The following MCL1 variants were observed in gnomAD, a reference collection of about 807,000 sequenced individuals.
MCL1 encodes the protein induced myeloid leukemia cell differentiation protein Mcl-1.
In MCL1, 4 loss-of-function variants were observed where a neutral mutation model predicts 24.2. That is an observed-to-expected ratio of 0.17 (90% confidence interval 0.08 to 0.38). MCL1 has a LOEUF of 0.38. Among genes scored for constraint, MCL1 ranks in the 10% least tolerant of loss-of-function variants. The pLI is 1.00. For missense variants in MCL1, 529 were observed against 480.3 expected, an observed-to-expected ratio of 1.10 and a Z score of -0.95; for synonymous variants, 248 against 214.0, an observed-to-expected ratio of 1.16 and a Z score of -1.39.
rs931348256 is a variant in MCL1 at position 150,579,579 on chromosome 1, C to T, written c.-49G>A. The T allele has an allele frequency of 1.0e-5, 16 of 1,546,320 alleles. No homozygotes were observed. Among genetic ancestry groups the T allele is most frequent in the Non-Finnish European group, 1.4e-5 (16 of 1,142,696 alleles). On this transcript the variant is annotated 5_prime_UTR_variant, in exon 1 of 3. Coordinates refer to ENST00000369026, the MANE Select transcript of MCL1 (RefSeq NM_021960.5). ...CTGAGAAAACTGGGGAAGACCCCGA[C>T]TCCTTACTGGAAGGAAGCGGAAGTG...
rs1241054516 is a variant in MCL1, at chr1:150,576,303, T to C, written c.*1072A>G. 1 of 232,994 alleles carries C rather than the reference T, an allele frequency of 4.3e-6. No individual in the cohort carries two copies. The highest frequency in any genetic ancestry group is 2.2e-5 in the African/African-American group (1 of 45,324). 14.4% of individuals were successfully genotyped at this position (232,994 alleles called of 1,614,324 possible). Reference sequence around the variant, plus strand: ...ATCAGAGCCCATTATTTGTAAGTCATCAGTAACCTTAAAACTCCACTTAGA... The same window carrying C: ...ATCAGAGCCCATTATTTGTAAGTCACCAGTAACCTTAAAACTCCACTTAGA... On this transcript the variant is annotated 3_prime_UTR_variant, in exon 3 of 3. Coordinates refer to ENST00000369026, the MANE Select transcript of MCL1 (RefSeq NM_021960.5).
In MCL1 at chr1:150,578,235, C is replaced by G; in HGVS notation, c.936+9G>C. On this transcript the variant is annotated intron_variant, in intron 2 of 2. Transcript: ENST00000369026. ...TCCAAGGCCCCTTTCATCCTTAAGG[C>G]AAACTTACCCAGCCTCTTTGTTTAA... The G allele has an allele frequency of 6.2e-7, 1 of 1,610,558 alleles. No homozygotes were observed.
Position 150,579,282 on chromosome 1 carries a change from G to A in MCL1, c.249C>T (p.Gly83=), listed in dbSNP as rs759563206. 2.0e-6 allele frequency: 3 copies of A among 1,479,912 alleles called. No homozygotes were observed. Among genetic ancestry groups the A allele is most frequent in the Non-Finnish European group, 2.7e-6 (3 of 1,121,160 alleles). The allele number at this position is 1,479,912 out of a possible 1,614,324, so 91.7% of individuals were successfully genotyped here. A position where few individuals can be genotyped will look rare whatever the true frequency, so the allele number is the denominator to read the frequency against. Residue 83 remains glycine (G), a synonymous_variant, in exon 1 of 3, where the codon GGC becomes GGT. Coordinates refer to ENST00000369026, the MANE Select transcript of MCL1 (RefSeq NM_021960.5). ...TCGCGGTGACGTCGGGGACCTCGGC[G>A]CCAATGGGCGGCGGCCGCGCGACCC... The part of the protein sequence containing the change: ...SRRVARPPPI[G]AEVPDVTATP...
chr1:150,579,573 C>T lies in MCL1; in HGVS notation c.-43G>A, dbSNP rs756639387. 5.1e-6 allele frequency: 8 copies of T among 1,557,776 alleles called. No homozygotes were observed. In the African/African-American group the frequency reaches 9.8e-5, roughly 19 times the overall value. ...GCCTGGCTGAGAAAACTGGGGAAGA[C>T]CCCGACTCCTTACTGGAAGGAAGCG... On this transcript the variant is annotated 5_prime_UTR_variant, in exon 1 of 3. Coordinates refer to ENST00000369026, the MANE Select transcript of MCL1 (RefSeq NM_021960.5).
chr1:150,577,628 C>G, intron 2 of MCL1, 137 bp from the exon 3 acceptor site: 2 of 928,252 alleles, frequency 2.2e-6, no homozygotes, highest in South Asian at 2.1e-5. Context: ...TTATTCACCC[C>G]GGGGCAAAAA....
chr1:150,579,156 C>T lies in MCL1; in HGVS notation c.375G>A (p.Glu125=), dbSNP rs2101699163. 6.2e-7 allele frequency: 1 copy of T among 1,611,136 alleles called. No individual in the cohort carries two copies. Among genetic ancestry groups the T allele is most frequent in the Non-Finnish European group, 8.5e-7 (1 of 1,179,828 alleles). The change falls in exon 1 of 3, where the codon GAG becomes GAA. Residue 125 remains glutamate, a synonymous_variant. Coordinates refer to ENST00000369026, the MANE Select transcript of MCL1 (RefSeq NM_021960.5). ...GAGGCTCCGGCTCGTACCCGTCCAG[C>T]TCCTCTTCGGGCGACATGATGGCGT... is the stretch of plus-strand genomic sequence containing the variant. The part of the protein sequence containing the change: ...AADAIMSPEE[E]LDGYEPEPLG...
rs749275603 is a variant in MCL1, at chr1:150,575,840, G to T, written c.*1535C>A. 8.6e-6 allele frequency: 2 copies of T among 233,258 alleles called. No individual in the cohort carries two copies. Among genetic ancestry groups the T allele is most frequent in the Non-Finnish European group, 1.7e-5 (2 of 118,026 alleles). The allele number at this position is 233,258 out of a possible 1,614,324, so 14.4% of individuals were successfully genotyped here. A position where few individuals can be genotyped will look rare whatever the true frequency, so the allele number is the denominator to read the frequency against. ...GATATAAATATCTGTAGAGGGAGCA[G>T]AACAATCAGCAATTTCAAGGAAGGA... On this transcript the variant is annotated 3_prime_UTR_variant, in exon 3 of 3. Coordinates refer to ENST00000369026, the MANE Select transcript of MCL1 (RefSeq NM_021960.5).
chr1:150,575,224 G>C lies in MCL1; in HGVS notation c.*2151C>G. 4.3e-6 allele frequency: 1 copy of C among 233,248 alleles called. No individual in the cohort carries two copies. Among genetic ancestry groups the C allele is most frequent in the Non-Finnish European group, 8.5e-6 (1 of 117,800 alleles). 14.4% of individuals were successfully genotyped at this position (233,248 alleles called of 1,614,324 possible). A position where few individuals can be genotyped will look rare whatever the true frequency, so the allele number is the denominator to read the frequency against. ...AACGATAAATACATAGGTAAAAATA[G>C]CTCTAGCAAAGATGACCTTATGGCT... On this transcript the variant is annotated 3_prime_UTR_variant, in exon 3 of 3. Coordinates refer to ENST00000369026, the MANE Select transcript of MCL1 (RefSeq NM_021960.5).
chr1:150,579,045 C>T lies in MCL1; in HGVS notation c.486G>A (p.Ser162=), dbSNP rs776618436. 1 of 1,613,366 alleles carries T rather than the reference C, an allele frequency of 6.2e-7. No individual in the cohort carries two copies. The highest frequency in any genetic ancestry group is 8.5e-7 in the Non-Finnish European group (1 of 1,180,032). The change falls in exon 1 of 3, where the codon TCG becomes TCA. Residue 162 remains serine, a synonymous_variant. Coordinates refer to ENST00000369026, the MANE Select transcript of MCL1 (RefSeq NM_021960.5). The part of the protein sequence containing the change: ...NNTSTDGSLP[S]TPPPAEEEED... Reference sequence around the variant, plus strand: ...CCTCCTCCTCTGCTGGCGGCGGCGTCGAGGGTAGTGACCCGTCCGTACTGG... The same window carrying T: ...CCTCCTCCTCTGCTGGCGGCGGCGTTGAGGGTAGTGACCCGTCCGTACTGG...
At position 150,574,747 on chromosome 1, in the gene MCL1, C is replaced by T. The variant is rs587763507; in HGVS notation, c.*2628G>A. 43 of 233,112 alleles carry T rather than the reference C, an allele frequency of 1.8e-4. No individual in the cohort carries two copies. The highest frequency in any genetic ancestry group is 7.2e-4 in the South Asian group (4 of 5,530). The allele number at this position is 233,112 out of a possible 1,614,324, so 14.4% of individuals were successfully genotyped here. A position where few individuals can be genotyped will look rare whatever the true frequency, so the allele number is the denominator to read the frequency against. On this transcript the variant is annotated 3_prime_UTR_variant, in exon 3 of 3. Transcript: ENST00000369026. ...ATGTACATGAAACACTAGAGGACTG[C>T]ATGTTTTTCCCTGAGAGAAGCGTAA...
At chr1:150,578,543 G>T (rs768286504) in intron 1 of MCL1, 52 bp from the exon 2 acceptor site, 2 of 1,598,600 alleles carry the variant, frequency 1.3e-6, no homozygotes, top group Non-Finnish European at 1.7e-6. Flanking sequence ...CTAAACCGGC[G>T]CAAGATTCGC....
rs1647822705 is a variant in MCL1, at chr1:150,576,724, A to T, written c.*651T>A. ...TTACAAGCTGTCTTAAGAATTGAGG[A>T]TATCCATATTCATAACTAATTACTG... On this transcript the variant is annotated 3_prime_UTR_variant, in exon 3 of 3. Transcript: ENST00000369026. The T allele has an allele frequency of 4.3e-6, 1 of 232,518 alleles. No homozygotes were observed. Among genetic ancestry groups the T allele is most frequent in the South Asian group, 1.8e-4 (1 of 5,528 alleles). 14.4% of individuals were successfully genotyped at this position (232,518 alleles called of 1,614,324 possible).
Position 150,577,070 on chromosome 1 carries a change from A to ACTT in MCL1, c.*304_*305insAAG, listed in dbSNP as rs1185962495. The ACTT allele has an allele frequency of 3.4e-6, 1 of 295,534 alleles. No homozygotes were observed. The highest frequency in any genetic ancestry group is 6.5e-6 in the Non-Finnish European group (1 of 154,644). The allele number at this position is 295,534 out of a possible 1,614,324, so 18.3% of individuals were successfully genotyped here. On this transcript the variant is annotated 3_prime_UTR_variant, in exon 3 of 3. Transcript: ENST00000369026. ...GGCCACTTTCCTGTTCTCAACAAGG[A>ACTT]AATTAAGTCTTTCCACCCTACCATC...
chr1:150,577,545 C>G (rs1647864466), intron 2 of MCL1, 54 bp from the exon 3 acceptor site: 1 of 694,768 alleles, frequency 1.4e-6, no homozygotes, highest in Non-Finnish European at 2.2e-6. Context: ...TGCTCTCTTA[C>G]AACACTACTA....
chr1:150,575,829 T>C lies in MCL1; in HGVS notation c.*1546A>G, dbSNP rs1446488294. ...CTGTAGGAATTGATATAAATATCTG[T>C]AGAGGGAGCAGAACAATCAGCAATT... On this transcript the variant is annotated 3_prime_UTR_variant, in exon 3 of 3. Coordinates refer to ENST00000369026, the MANE Select transcript of MCL1 (RefSeq NM_021960.5). 4.3e-6 allele frequency: 1 copy of C among 233,130 alleles called. No individual in the cohort carries two copies. Among genetic ancestry groups the C allele is most frequent in the Non-Finnish European group, 8.5e-6 (1 of 118,020 alleles). 14.4% of individuals were successfully genotyped at this position (233,130 alleles called of 1,614,324 possible).
Position 150,578,289 on chromosome 1 carries a change from A to G in MCL1, c.891T>C (p.Val297=). ...GCCAGTCCCGTTTTGTCCTTACGAG[A>G]ACGTCTGTGATACTTTCTGCTAATG... ...IEPLAESITD[V]LVRTKRDWLV... is the part of the protein sequence containing the mutation. The change falls in exon 2 of 3, where the codon GTT becomes GTC. Residue 297 remains valine, a synonymous_variant. Transcript: ENST00000369026. 6.2e-7 allele frequency: 1 copy of G among 1,614,180 alleles called. No individual in the cohort carries two copies. Among genetic ancestry groups the G allele is most frequent in the Non-Finnish European group, 8.5e-7 (1 of 1,180,026 alleles).
chr1:150,578,622 A>G lies in MCL1; in HGVS notation c.689-131T>C, dbSNP rs1647923239. ...CTCAGGTTGACCCCACTTGAAATTGACATCCCACCCTTTCCGGTCTTTGAA... is the reference window on the plus strand; with the variant it reads ...CTCAGGTTGACCCCACTTGAAATTGGCATCCCACCCTTTCCGGTCTTTGAA... On this transcript the variant is annotated intron_variant, in intron 1 of 2. Transcript: ENST00000369026. 3 of 1,199,748 alleles carry G rather than the reference A, an allele frequency of 2.5e-6. No homozygotes were observed. In the South Asian group the frequency reaches 4.4e-5, roughly 18 times the overall value. The allele number at this position is 1,199,748 out of a possible 1,614,324, so 74.3% of individuals were successfully genotyped here.
chr1:150,576,044 C>A lies in MCL1; in HGVS notation c.*1331G>T. 1 of 233,630 alleles carries A rather than the reference C, an allele frequency of 4.3e-6. No homozygotes were observed. Among genetic ancestry groups the A allele is most frequent in the Non-Finnish European group, 8.5e-6 (1 of 118,034 alleles). 14.5% of individuals were successfully genotyped at this position (233,630 alleles called of 1,614,324 possible). ...GTAACAAGCAAGCCTAATAATAGCA[C>A]CATGGTTAGACTAGCCTGCTTTTCC... On this transcript the variant is annotated 3_prime_UTR_variant, in exon 3 of 3. Transcript: ENST00000369026.
At position 150,575,349 on chromosome 1, in the gene MCL1, G is replaced by C. The variant is rs373089781; in HGVS notation, c.*2026C>G. On this transcript the variant is annotated 3_prime_UTR_variant, in exon 3 of 3. Coordinates refer to ENST00000369026, the MANE Select transcript of MCL1 (RefSeq NM_021960.5). ...GTCCACAGACTAAAGGTCATGTTCC[G>C]AGACTGAAGCTTTCAAATGACCCTA... is the stretch of plus-strand genomic sequence containing the variant. The C allele has an allele frequency of 4.3e-6, 1 of 233,086 alleles. No individual in the cohort carries two copies. Among genetic ancestry groups the C allele is most frequent in the Non-Finnish European group, 8.5e-6 (1 of 117,848 alleles). The allele number at this position is 233,086 out of a possible 1,614,324, so 14.4% of individuals were successfully genotyped here.
Sources: gnomAD v4.1 joint callset for allele counts on GRCh38, gnomAD v4.1.1 for gene constraint, MANE v1.5 for transcripts, NCBI Gene and HGNC (gene_info 2026-07-23, HGNC 2026-07-21) for gene names.